SRPK2: variants seen among roughly 807,000 people sequenced by gnomAD.
SRPK2 encodes the protein SFRS protein kinase 2.
A neutral mutation model predicts 90.8 loss-of-function variants in SRPK2; 21 were observed. That is an observed-to-expected ratio of 0.23 (90% CI 0.16 to 0.33). SRPK2 has a LOEUF of 0.33. SRPK2 is among the 10% of genes least tolerant of loss of function. The pLI is 1.00. For missense variants in SRPK2, 620 were observed against 869.0 expected, an observed-to-expected ratio of 0.71 and a Z score of 3.60; for synonymous variants, 288 against 311.1, an observed-to-expected ratio of 0.93 and a Z score of 0.78.
In SRPK2 at chr7:105,117,515, C is replaced by T. The variant is rs1799743242; in HGVS notation, c.*323G>A. On this transcript the variant is annotated 3_prime_UTR_variant, in exon 16 of 16. Transcript: ENST00000393651. ...TCTTCATAAATAGTTACAAAACCTGCCAAAACACAAAGGGGAAAGTATTTT... is the reference window on the plus strand; with the variant it reads ...TCTTCATAAATAGTTACAAAACCTGTCAAAACACAAAGGGGAAAGTATTTT... 3.6e-6 allele frequency: 1 copy of T among 274,650 alleles called. No individual in the cohort carries two copies. The highest frequency in any genetic ancestry group is 6.8e-6 in the Non-Finnish European group (1 of 146,188). The allele number at this position is 274,650 out of a possible 1,614,324, so 17.0% of individuals were successfully genotyped here. A position where few individuals can be genotyped will look rare whatever the true frequency, so the allele number is the denominator to read the frequency against.
intron 2 of SRPK2, among the ~76,000 whole-genome samples, chr7:105,309,330 G>C (rs77083079): frequency 0.03 from 4,543 of 151,956 alleles, 246 homozygotes; most frequent in African/African-American, 0.1. Context: ...ACAAACTTCA[G>C]AATGATAAAC....
intron 2 of SRPK2, among the ~76,000 whole-genome samples, chr7:105,271,888 T>C (rs1805880261): frequency 6.6e-6 from 1 of 152,218 alleles, no homozygotes; most frequent in African/African-American, 2.4e-5. Context: ...ATCTTTTCCT[T>C]GTTAAATTCT....
At chr7:105,153,450 C>T (rs917870912) in intron 7 of SRPK2, among the ~76,000 whole-genome samples, 1 of 152,148 alleles carries the variant, frequency 6.6e-6, no homozygotes, top group Non-Finnish European at 1.5e-5. Flanking sequence ...CTTCGCAACA[C>T]AAATCTGCTC....
chr7:105,165,775 G>C (rs1789971692), intron 6 of SRPK2, among the ~76,000 whole-genome samples: 2 of 152,202 alleles, frequency 1.3e-5, no homozygotes, highest in South Asian at 4.1e-4. Context: ...GCAGCAACCT[G>C]CTTGGGTCCC....
chr7:105,170,960 AAAGAAAG>A (rs1790981806), intron 3 of SRPK2, among the ~76,000 whole-genome samples: 2 of 39,918 alleles, frequency 5.0e-5, no homozygotes. Flanking sequence ...AGAAAGAAAG[AAAGAAAG>A]AGAAAGAAAG....
chr7:105,127,135 G>A lies in SRPK2; in HGVS notation c.1753-73C>T, dbSNP rs759455701. ...AAGTCAACAGCTTTTTCTCCTTATA[G>A]AAGAGACCGCCACTTTATGAAGATC... On this transcript the variant is annotated intron_variant, in intron 13 of 15. Coordinates refer to ENST00000393651, the MANE Select transcript of SRPK2 (RefSeq NM_182692.3). 1.9e-4 allele frequency: 269 copies of A among 1,418,262 alleles called. 1 individual carries two copies. Among genetic ancestry groups the A allele is most frequent in the Non-Finnish European group, 2.5e-4 (248 of 1,009,736 alleles). The allele number at this position is 1,418,262 out of a possible 1,614,324, so 87.9% of individuals were successfully genotyped here. A position where few individuals can be genotyped will look rare whatever the true frequency, so the allele number is the denominator to read the frequency against.
intron 2 of SRPK2, among the ~76,000 whole-genome samples, chr7:105,254,391 T>C (rs1585378899): frequency 6.6e-6 from 1 of 152,196 alleles, no homozygotes; most frequent in Non-Finnish European, 1.5e-5. Context: ...AAGATGTATC[T>C]TTCTGAAAAA....
At chr7:105,126,898 A>T in intron 14 of SRPK2, 95 bp downstream of exon 14, 1 of 1,241,250 alleles carries the variant, frequency 8.1e-7, no homozygotes. Flanking sequence ...AACCAAACAC[A>T]TGGCTCTATT....
intron 2 of SRPK2, among the ~76,000 whole-genome samples, chr7:105,213,196 G>A (rs1166690846): frequency 1.3e-5 from 2 of 152,110 alleles, no homozygotes; most frequent in East Asian, 1.9e-4. Context: ...CATTCATTTC[G>A]ACAGAGAATA....
chr7:105,151,319 T>C (rs1452647286), intron 7 of SRPK2, among the ~76,000 whole-genome samples: 2 of 152,194 alleles, frequency 1.3e-5, no homozygotes, highest in African/African-American at 2.4e-5. Context: ...GTGTTACCCC[T>C]GGGCAAGCTG....
chr7:105,368,373 A>G (rs977651694), intron 2 of SRPK2, among the ~76,000 whole-genome samples: 2 of 152,170 alleles, frequency 1.3e-5, no homozygotes, highest in Non-Finnish European at 2.9e-5. Context: ...AAAAATTTTT[A>G]CTTTTTACTT....
At chr7:105,301,683 T>A in intron 2 of SRPK2, 1 of 1,611,456 alleles carries the variant, frequency 6.2e-7, no homozygotes, top group African/African-American at 1.3e-5. Flanking sequence ...CAGAAACATA[T>A]CCCCAAACAC....
rs376678744 is a variant in SRPK2 at position 105,142,320 on chromosome 7, C to T, written c.1231G>A (p.Asp411Asn). 9.9e-6 allele frequency: 16 copies of T among 1,614,170 alleles called. No homozygotes were observed. Among genetic ancestry groups the T allele is most frequent in the East Asian group, 2.2e-5 (1 of 44,886 alleles). ...CAGTCTTCTTCATCATCATCTTCAT[C>T]GTCCAGTTGCTGCTCCAGTGAGAAT... ...GPFSLEQQLD[D>N]EDDDEEDCPN... is the part of the protein sequence containing the mutation. Residue 411 changes from aspartate to asparagine, a missense_variant, in exon 11 of 16, where the codon GAT becomes AAT. Coordinates refer to ENST00000393651, the MANE Select transcript of SRPK2 (RefSeq NM_182692.3).
At chr7:105,263,867 AT>A (rs1416101687) in intron 2 of SRPK2, among the ~76,000 whole-genome samples, 1 of 152,256 alleles carries the variant, frequency 6.6e-6, no homozygotes, top group African/African-American at 2.4e-5. Context: ...CAAAAATTAA[AT>A]AAAGAATTGA....
intron 9 of SRPK2, 64 bp downstream of exon 9, chr7:105,145,219 C>A: frequency 7.8e-7 from 1 of 1,289,160 alleles, no homozygotes; most frequent in Non-Finnish European, 1.0e-6. Flanking sequence ...ATAATTTGAA[C>A]AACTCAATAA....
chr7:105,326,258 C>G (rs932926436), intron 2 of SRPK2, among the ~76,000 whole-genome samples: 1 of 152,224 alleles, frequency 6.6e-6, no homozygotes, highest in Non-Finnish European at 1.5e-5. Flanking sequence ...AGCATGCTCT[C>G]TAGTCTCCTA....
intron 2 of SRPK2, among the ~76,000 whole-genome samples, chr7:105,322,095 T>C (rs1813001750): frequency 6.6e-6 from 1 of 151,912 alleles, no homozygotes; most frequent in African/African-American, 2.4e-5. Context: ...ATAGATACAA[T>C]GAAATACTAT....
intron 2 of SRPK2, among the ~76,000 whole-genome samples, chr7:105,236,387 C>T (rs1164397737): frequency 6.6e-6 from 1 of 151,774 alleles, no homozygotes. Flanking sequence ...TTCCCATCAA[C>T]AGTATATCAT....
intron 2 of SRPK2, among the ~76,000 whole-genome samples, chr7:105,281,410 T>G (rs1245053872): frequency 6.6e-6 from 1 of 152,140 alleles, no homozygotes; most frequent in South Asian, 2.1e-4. Flanking sequence ...AACTTTCAAC[T>G]GCAAAAACCG....
Sources: gnomAD v4.1 joint callset for allele counts (sites outside exome capture counted in the v4.1 genomes callset) on GRCh38, gnomAD v4.1.1 for gene constraint, MANE v1.5 for transcripts, NCBI Gene and HGNC (gene_info 2026-07-23, HGNC 2026-07-21) for gene names.